MICU2: variants seen among roughly 807,000 people sequenced by gnomAD.
MICU2 encodes the protein mitochondrial calcium uptake 2.
In MICU2, 64 loss-of-function variants were observed where a neutral mutation model predicts 60.4. The observed-to-expected ratio is 1.06, with a 90% CI of 0.87 to 1.31. The LOEUF (loss-of-function observed/expected upper bound fraction) is 1.31. Among genes scored for constraint, MICU2 ranks in the 50% most tolerant of loss-of-function variants. MICU2 has a pLI of 0.00. For missense variants in MICU2, 569 were observed against 531.0 expected, an observed-to-expected ratio of 1.07 and a Z score of -0.70; for synonymous variants, 201 against 175.0, an observed-to-expected ratio of 1.15 and a Z score of -1.17.
At chr13:21,527,041 G>A (rs1005735540) in intron 4 of MICU2, among the ~76,000 whole-genome samples, 7 of 152,088 alleles carry the variant, frequency 4.6e-5, no homozygotes, top group Admixed American at 3.9e-4. Context: ...TGTTTTCAAT[G>A]GCTTCCTTTT....
In MICU2 at chr13:21,493,287, T is replaced by C. The variant is rs1458449620; in HGVS notation, c.1267A>G (p.Lys423Glu). The change falls in exon 12 of 12, where the codon AAA (lysine) becomes GAA (glutamate). Residue 423 changes from lysine to glutamate, a missense_variant. Transcript: ENST00000382374. The part of the protein sequence containing the change: ...CVKKESIKGV[K>E]EVWKQAGKGL... ...TTTCCAGCTTGTTTCCAGACTTCTT[T>C]TACTCCTTTAATGCTTTCTTTCTTC... The C allele has an allele frequency of 1.9e-6, 3 of 1,611,070 alleles. No individual in the cohort carries two copies. The highest frequency in any genetic ancestry group is 2.5e-6 in the Non-Finnish European group (3 of 1,178,910).
intron 1 of MICU2, among the ~76,000 whole-genome samples, chr13:21,575,736 A>AG (rs1888212856): frequency 1.3e-5 from 2 of 149,870 alleles, no homozygotes; most frequent in South Asian, 4.2e-4. Flanking sequence ...TCTCAAAAAA[A>AG]AAAAAAAAAA....
At chr13:21,562,723 T>C (rs1887877074) in intron 2 of MICU2, among the ~76,000 whole-genome samples, 1 of 152,246 alleles carries the variant, frequency 6.6e-6, no homozygotes, top group Admixed American at 6.5e-5. Context: ...CACTTATCCA[T>C]ACAATTTGAT....
chr13:21,516,271 CTAAAT>C (rs1271342234), intron 6 of MICU2, among the ~76,000 whole-genome samples: 2 of 151,794 alleles, frequency 1.3e-5, no homozygotes, highest in Non-Finnish European at 2.9e-5. Context: ...TTTTCCCCAC[CTAAAT>C]TAGTTTCCCT....
chr13:21,562,530 C>A (rs1887872234), intron 2 of MICU2, among the ~76,000 whole-genome samples: 1 of 152,048 alleles, frequency 6.6e-6, no homozygotes, highest in Admixed American at 6.6e-5. Flanking sequence ...CTTAGAATGT[C>A]AATTCTATTT....
At chr13:21,539,268 C>T in intron 4 of MICU2, 34 bp downstream of exon 4, 1 of 1,562,344 alleles carries the variant, frequency 6.4e-7, no homozygotes, top group Non-Finnish European at 8.8e-7. Flanking sequence ...AAATAAAACA[C>T]ATAACTAGAA....
At chr13:21,603,665 C>A (rs1164014392) in intron 1 of MICU2, 2 of 525,466 alleles carry the variant, frequency 3.8e-6, no homozygotes, top group Non-Finnish European at 6.7e-6. Context: ...TAAATTAGTG[C>A]GGCCAGTTTT....
intron 1 of MICU2, chr13:21,603,709 C>T: frequency 1.8e-6 from 1 of 570,762 alleles, no homozygotes; most frequent in Non-Finnish European, 3.1e-6. Flanking sequence ...GCGGGGTTCT[C>T]CCAAGGGAGG....
intron 9 of MICU2, among the ~76,000 whole-genome samples, chr13:21,500,671 G>A (rs1198174706): frequency 6.6e-6 from 1 of 151,798 alleles, no homozygotes; most frequent in African/African-American, 2.4e-5. Flanking sequence ...CACCCACCTT[G>A]GCCTCCCAAA....
chr13:21,542,464 T>A (rs1184529032), intron 2 of MICU2, among the ~76,000 whole-genome samples: 1 of 152,224 alleles, frequency 6.6e-6, no homozygotes, highest in Non-Finnish European at 1.5e-5. Context: ...CTGTCTCTCT[T>A]TCTTTGGCTA....
At chr13:21,517,638 A>C (rs1886602341) in intron 6 of MICU2, among the ~76,000 whole-genome samples, 1 of 152,042 alleles carries the variant, frequency 6.6e-6, no homozygotes, top group African/African-American at 2.4e-5. Context: ...TTAGCTGGGC[A>C]CAGTGGGACA....
At chr13:21,565,693 C>A (rs1451359714) in intron 2 of MICU2, among the ~76,000 whole-genome samples, 1 of 151,792 alleles carries the variant, frequency 6.6e-6, no homozygotes, top group Non-Finnish European at 1.5e-5. Context: ...ATTAGCCAGG[C>A]ATGGTGGTGG....
chr13:21,515,086 T>G (rs1483413844), intron 6 of MICU2, among the ~76,000 whole-genome samples: 3 of 1,068 alleles, frequency 2.8e-3, no homozygotes, highest in African/African-American at 3.2e-3. Flanking sequence ...AAGTATATAG[T>G]TTTTTTTTTT....
chr13:21,531,503 G>C (rs1257732860), intron 4 of MICU2, among the ~76,000 whole-genome samples: 1 of 152,210 alleles, frequency 6.6e-6, no homozygotes, highest in Non-Finnish European at 1.5e-5. Context: ...CTAGCTGTAA[G>C]TAATGGGATT....
At chr13:21,569,448 C>G (rs1888056903) in intron 1 of MICU2, among the ~76,000 whole-genome samples, 1 of 152,074 alleles carries the variant, frequency 6.6e-6, no homozygotes, top group African/African-American at 2.4e-5. Context: ...ATCACCACGG[C>G]AGATTGTAAT....
In MICU2 at chr13:21,548,191, AAGTT is replaced by A. The variant is rs535993812; in HGVS notation, c.359-8507_359-8504del. Among the ~76,000 whole-genome samples, 403 of 152,292 alleles carry A rather than the reference AAGTT, an allele frequency of 2.6e-3. 3 individuals carry two copies. The highest frequency in any genetic ancestry group is 9.3e-3 in the African/African-American group (386 of 41,566). ...TAACTCATGATCCATTATACAGAAA[AAGTT>A]AGGGTATAAAAACAGCACATAATGC... On this transcript the variant is annotated intron_variant, in intron 2 of 11. Coordinates refer to ENST00000382374, the MANE Select transcript of MICU2 (RefSeq NM_152726.3).
rs375354930 is a variant in MICU2 at position 21,520,465 on chromosome 13, T to A, written c.597+780A>T. ...AAGGCTTTAAAAAAAATGTTGTAAG[T>A]CATTTATGTACACGCCTAATTTGTC... On this transcript the variant is annotated intron_variant, in intron 6 of 11. Transcript: ENST00000382374. Among the ~76,000 whole-genome samples, 327 of 152,368 alleles carry A rather than the reference T, an allele frequency of 2.1e-3. 1 individual carries two copies. Among genetic ancestry groups the A allele is most frequent in the African/African-American group, 7.7e-3 (319 of 41,596 alleles).
intron 4 of MICU2, among the ~76,000 whole-genome samples, chr13:21,527,400 G>A (rs1329099739): frequency 2.0e-5 from 3 of 152,152 alleles, no homozygotes; most frequent in Non-Finnish European, 4.4e-5. Flanking sequence ...GGTCCTTTAT[G>A]CAAGCAGAAC....
intron 2 of MICU2, among the ~76,000 whole-genome samples, chr13:21,558,730 T>C (rs1887767143): frequency 6.6e-6 from 1 of 152,166 alleles, no homozygotes; most frequent in South Asian, 2.1e-4. Flanking sequence ...GTGTGGAACC[T>C]GTCTTACAAG....
Sources: allele counts gnomAD v4.1 joint callset (sites outside exome capture counted in the v4.1 genomes callset), GRCh38; gene constraint gnomAD v4.1.1; transcripts MANE v1.5; gene names NCBI Gene and HGNC (gene_info 2026-07-23, HGNC 2026-07-21).